MB21D2: variants seen among roughly 807,000 people sequenced by gnomAD.
MB21D2 encodes nucleotidyltransferase MB21D2.
MB21D2 carries 9 observed loss-of-function variants against 33.3 expected under a neutral mutation model. That is an observed-to-expected ratio of 0.27 (90% CI 0.16 to 0.47). The LOEUF is 0.47. Ranked by LOEUF, MB21D2 falls within the 20% of genes least tolerant of loss-of-function variation. The pLI, the probability that MB21D2 is intolerant of heterozygous loss-of-function variation, is 0.99. For missense variants in MB21D2, 540 were observed against 624.6 expected, an observed-to-expected ratio of 0.86 and a Z score of 1.44; for synonymous variants, 241 against 236.3, an observed-to-expected ratio of 1.02 and a Z score of -0.18.
chr3:192,904,105 A>C (rs1255196366), intron 1 of MB21D2, among the ~76,000 whole-genome samples: 1 of 152,234 alleles, frequency 6.6e-6, no homozygotes, highest in African/African-American at 2.4e-5. Flanking sequence ...ACATACATAA[A>C]GTAATTAAAA....
chr3:192,906,264 C>T (rs1299942800), intron 1 of MB21D2, among the ~76,000 whole-genome samples: 1 of 152,130 alleles, frequency 6.6e-6, no homozygotes, highest in East Asian at 1.9e-4. Flanking sequence ...CCTCCTACTC[C>T]ACCCCCGCCA....
chr3:192,908,770 T>C (rs1203698660), intron 1 of MB21D2, among the ~76,000 whole-genome samples: 2 of 151,822 alleles, frequency 1.3e-5, no homozygotes, highest in African/African-American at 4.8e-5. Flanking sequence ...TCAAGTGGCA[T>C]TTGAGCTGGG....
intron 1 of MB21D2, among the ~76,000 whole-genome samples, chr3:192,840,415 C>CTTTTTTTTTTTTTTTTTTTTT (rs71177380): frequency 2.3e-5 from 2 of 88,290 alleles, no homozygotes; most frequent in African/African-American, 4.2e-5. Context: ...TCTCTTTTTT[C>CTTTTTTTTTTTTTTTTTTTTT]TTTTTTTTTT....
intron 1 of MB21D2, among the ~76,000 whole-genome samples, chr3:192,812,102 T>C (rs577144638): frequency 1.5e-3 from 229 of 152,056 alleles, no homozygotes; most frequent in Non-Finnish European, 2.3e-3. Context: ...GGCTGGAGGG[T>C]AGTGGCACAA....
intron 1 of MB21D2, among the ~76,000 whole-genome samples, chr3:192,908,713 G>C (rs113886648): frequency 0.057 from 8,620 of 151,476 alleles, 764 homozygotes; most frequent in African/African-American, 0.19. Context: ...CCACCACGCC[G>C]GGCCAAATTT....
At chr3:192,890,934 G>A (rs146840605) in intron 1 of MB21D2, among the ~76,000 whole-genome samples, 8 of 152,192 alleles carry the variant, frequency 5.3e-5, no homozygotes, top group African/African-American at 1.2e-4. Context: ...TTTATCCTGC[G>A]TGGGGGAAGA....
chr3:192,902,644 T>C (rs938618573), intron 1 of MB21D2, among the ~76,000 whole-genome samples: 13 of 152,184 alleles, frequency 8.5e-5, no homozygotes, highest in Admixed American at 2.0e-4. Flanking sequence ...GATGAGCTGA[T>C]CTCAGAAAGA....
intron 1 of MB21D2, among the ~76,000 whole-genome samples, chr3:192,871,085 T>C (rs1713286102): frequency 6.6e-6 from 1 of 152,184 alleles, no homozygotes; most frequent in African/African-American, 2.4e-5. Context: ...ATGGGGATCA[T>C]GAACATGAAA....
At chr3:192,803,746 G>C (rs1192372479) in intron 1 of MB21D2, among the ~76,000 whole-genome samples, 2 of 152,174 alleles carry the variant, frequency 1.3e-5, no homozygotes, top group African/African-American at 4.8e-5. Flanking sequence ...GTAGGGATCA[G>C]TTCCAACAAG....
intron 1 of MB21D2, among the ~76,000 whole-genome samples, chr3:192,908,681 G>C (rs919246963): frequency 6.6e-6 from 1 of 151,680 alleles, no homozygotes; most frequent in Non-Finnish European, 1.5e-5. Context: ...GCCTCCCAAA[G>C]TGCTGGGATT....
intron 1 of MB21D2, among the ~76,000 whole-genome samples, chr3:192,806,884 G>A (rs1158321782): frequency 3.3e-5 from 5 of 152,158 alleles, no homozygotes; most frequent in Non-Finnish European, 7.4e-5. Context: ...ATGAACATGA[G>A]TTAGACCTGG....
Position 192,844,416 on chromosome 3 carries a change from T to C in MB21D2, c.212-44766A>G, listed in dbSNP as rs1712638835. 2.0e-5 allele frequency among the ~76,000 whole-genome samples: 3 copies of C among 152,214 alleles called. No individual in the cohort carries two copies. In the South Asian group the frequency reaches 6.2e-4, roughly 31 times the overall value. On this transcript the variant is annotated intron_variant, in intron 1 of 1. Transcript: ENST00000392452. ...TGTGGTTGTTTCAGAGGCAGAAGTA[T>C]CTCTTCCCAAAACCTCTGCCAATCT...
At chr3:192,895,789 G>A (rs962451828) in intron 1 of MB21D2, among the ~76,000 whole-genome samples, 1 of 152,066 alleles carries the variant, frequency 6.6e-6, no homozygotes, top group Non-Finnish European at 1.5e-5. Context: ...CTGGAGTGCA[G>A]TGGCACGATC....
chr3:192,892,194 G>A (rs572029535), intron 1 of MB21D2, among the ~76,000 whole-genome samples: 1 of 152,126 alleles, frequency 6.6e-6, no homozygotes. Context: ...CCCACTGCCC[G>A]TGAGGCAGGG....
intron 1 of MB21D2, among the ~76,000 whole-genome samples, chr3:192,866,693 G>A (rs1044986846): frequency 6.6e-6 from 1 of 152,128 alleles, no homozygotes; most frequent in Non-Finnish European, 1.5e-5. Flanking sequence ...CATGAAGACT[G>A]CCTGTTCTTG....
At chr3:192,898,992 G>T (rs1006324355) in intron 1 of MB21D2, among the ~76,000 whole-genome samples, 8 of 152,210 alleles carry the variant, frequency 5.3e-5, no homozygotes, top group Non-Finnish European at 8.8e-5. Flanking sequence ...ATGAGAGTAA[G>T]AGCTTCTGAG....
At chr3:192,881,532 G>T (rs1044244808) in intron 1 of MB21D2, among the ~76,000 whole-genome samples, 2 of 152,160 alleles carry the variant, frequency 1.3e-5, no homozygotes, top group Non-Finnish European at 2.9e-5. Context: ...TTTGCTGTAA[G>T]AAAACTGTAC....
intron 1 of MB21D2, among the ~76,000 whole-genome samples, chr3:192,856,432 G>A (rs11926598): frequency 0.037 from 5,704 of 152,212 alleles, 139 homozygotes; most frequent in Non-Finnish European, 0.043. Context: ...TAAGGAAACG[G>A]GAAATTAGGC....
intron 1 of MB21D2, among the ~76,000 whole-genome samples, chr3:192,826,419 T>A (rs1199438492): frequency 6.6e-6 from 1 of 152,218 alleles, no homozygotes; most frequent in African/African-American, 2.4e-5. Context: ...TCAATTCTAT[T>A]GTCTTCAGTA....
Sources: allele counts gnomAD v4.1 joint callset (sites outside exome capture counted in the v4.1 genomes callset), GRCh38; gene constraint gnomAD v4.1.1; transcripts MANE v1.5; gene names NCBI Gene and HGNC (gene_info 2026-07-23, HGNC 2026-07-21).